The following OR4D10 variants were observed in gnomAD, a reference collection of about 807,000 sequenced individuals.
The protein encoded by OR4D10 is olfactory receptor 4D10.
For synonymous variants in OR4D10, 188 were observed against 153.2 expected, an observed-to-expected ratio of 1.23 and a Z score of -1.68; for missense variants, 395 against 378.0, an observed-to-expected ratio of 1.04 and a Z score of -0.37.
intron 2 of OR4D10, among the ~76,000 whole-genome samples, chr11:59,476,662 A>C (rs980227012): frequency 6.6e-6 from 1 of 151,968 alleles, no homozygotes; most frequent in Admixed American, 6.6e-5. Flanking sequence ...GCTGACTCCA[A>C]CTGTTATTAC....
intron 2 of OR4D10, 63 bp downstream of exon 2, chr11:59,473,856 T>G (rs1590624150): frequency 6.6e-6 from 1 of 152,264 alleles, no homozygotes; most frequent in East Asian, 1.9e-4. Flanking sequence ...ATGTGATCCA[T>G]TTGGTGTGAG....
In OR4D10 at chr11:59,478,391, A is replaced by G. The variant is rs779726511; in HGVS notation, c.*26A>G. ...AAAAAAAAATCCTCAGCTCTTCATC[A>G]CCAAAGATATCTTATATTTATTATT... On this transcript the variant is annotated 3_prime_UTR_variant, in exon 3 of 3. Coordinates refer to ENST00000530162, the MANE Select transcript of OR4D10 (RefSeq NM_001004705.2). 7 of 1,428,262 alleles carry G rather than the reference A, an allele frequency of 4.9e-6. No homozygotes were observed. The East Asian group carries it at 1.4e-4, about 28-fold the overall frequency. 88.5% of individuals were successfully genotyped at this position (1,428,262 alleles called of 1,614,324 possible). A position where few individuals can be genotyped will look rare whatever the true frequency, so the allele number is the denominator to read the frequency against.
At chr11:59,475,344 C>T (rs1858892567) in intron 2 of OR4D10, among the ~76,000 whole-genome samples, 1 of 152,144 alleles carries the variant, frequency 6.6e-6, no homozygotes, top group Non-Finnish European at 1.5e-5. Flanking sequence ...ATAAGCATGT[C>T]ATCTTCACCA....
At position 59,478,181 on chromosome 11, in the gene OR4D10, T is replaced by A. The variant is rs1478527391; in HGVS notation, c.752T>A (p.Phe251Tyr). 6.2e-6 allele frequency: 10 copies of A among 1,614,140 alleles called. No homozygotes were observed. Among genetic ancestry groups the A allele is most frequent in the Non-Finnish European group, 8.5e-6 (10 of 1,180,036 alleles). The part of the protein sequence containing the change: ...TSHITVVTLH[F>Y]VPCIYVYARP... ...CACATCACTGTGGTGACCCTGCATTTCGTGCCCTGCATCTATGTCTATGCC... is the reference window on the plus strand; with the variant it reads ...CACATCACTGTGGTGACCCTGCATTACGTGCCCTGCATCTATGTCTATGCC... The change falls in exon 3 of 3, where the codon TTC (phenylalanine) becomes TAC (tyrosine). Residue 251 changes from phenylalanine to tyrosine, a missense_variant. Transcript: ENST00000530162.
Position 59,477,581 on chromosome 11 carries a change from G to A in OR4D10, c.152G>A (p.Cys51Tyr), listed in dbSNP as rs1435529735. ...CTCCTCATCATGGTCACTGTTACCT[G>A]TGAATCTCGCCTTCACACGCCCATG... is the stretch of plus-strand genomic sequence containing the variant. ...GNLLIMVTVT[C>Y]ESRLHTPMYF... is the part of the protein sequence containing the mutation. Residue 51 changes from cysteine to tyrosine, a missense_variant, in exon 3 of 3, where the codon TGT becomes TAT. Physicochemically the swap from Cys to Tyr is radical, Grantham distance 194. Coordinates refer to ENST00000530162, the MANE Select transcript of OR4D10 (RefSeq NM_001004705.2). 1.2e-6 allele frequency: 2 copies of A among 1,614,044 alleles called. No individual in the cohort carries two copies. Among genetic ancestry groups the A allele is most frequent in the Non-Finnish European group, 1.7e-6 (2 of 1,180,034 alleles).
chr11:59,476,732 C>T (rs2134559287), intron 2 of OR4D10, among the ~76,000 whole-genome samples: 1 of 152,158 alleles, frequency 6.6e-6, no homozygotes, highest in Middle Eastern at 3.4e-3. Context: ...AGTCATTCAG[C>T]TAGTTGATGG....
At chr11:59,473,922 T>C (rs891181267) in intron 2 of OR4D10, 129 bp downstream of exon 2, 1 of 152,238 alleles carries the variant, frequency 6.6e-6, no homozygotes, top group Non-Finnish European at 1.5e-5. Context: ...TGAGGCCACC[T>C]CAGCCTAAGG....
In OR4D10 at chr11:59,478,821, G is replaced by C. The variant is rs1033732390; in HGVS notation, c.*456G>C. On this transcript the variant is annotated 3_prime_UTR_variant, in exon 3 of 3. Transcript: ENST00000530162. ...AGCCTTTGTGATTCAGAAAAGAGAG[G>C]GAAAATTGTTAGCAAATGTGTATAT... The C allele has an allele frequency of 2.0e-5, 3 of 152,480 alleles. No homozygotes were observed. Among genetic ancestry groups the C allele is most frequent in the African/African-American group, 4.8e-5 (2 of 41,386 alleles). 9.4% of individuals were successfully genotyped at this position (152,480 alleles called of 1,614,324 possible).
intron 2 of OR4D10, among the ~76,000 whole-genome samples, chr11:59,474,495 A>G (rs1858878390): frequency 6.6e-6 from 1 of 152,204 alleles, no homozygotes; most frequent in Non-Finnish European, 1.5e-5. Flanking sequence ...ATTCCAAATG[A>G]CCAATGACAG....
intron 2 of OR4D10, among the ~76,000 whole-genome samples, chr11:59,475,341 T>C (rs1810421273): frequency 6.6e-6 from 1 of 152,150 alleles, no homozygotes; most frequent in Non-Finnish European, 1.5e-5. Flanking sequence ...TGTATAAGCA[T>C]GTCATCTTCA....
At chr11:59,475,198 C>T (rs1858890626) in intron 2 of OR4D10, among the ~76,000 whole-genome samples, 1 of 151,936 alleles carries the variant, frequency 6.6e-6, no homozygotes, top group South Asian at 2.1e-4. Context: ...ATTCACCAAC[C>T]AAACGATACC....
intron 2 of OR4D10, 80 bp from the exon 3 acceptor site, chr11:59,477,177 TTAACA>T (rs1858916391): frequency 5.2e-6 from 2 of 384,072 alleles, no homozygotes; most frequent in Non-Finnish European, 9.2e-6. Flanking sequence ...ATGTCACTAC[TTAACA>T]TATTTTCTTT....
intron 2 of OR4D10, among the ~76,000 whole-genome samples, chr11:59,476,543 G>A (rs1858910567): frequency 1.4e-5 from 2 of 142,194 alleles, no homozygotes. Context: ...ACCACGCATG[G>A]CTAATTTTTT....
chr11:59,476,195 G>A (rs1269575181), intron 2 of OR4D10, among the ~76,000 whole-genome samples: 1 of 152,166 alleles, frequency 6.6e-6, no homozygotes, highest in Non-Finnish European at 1.5e-5. Context: ...TTGGGGTATG[G>A]AGATTGCAGG....
At chr11:59,476,280 A>C (rs1453917641) in intron 2 of OR4D10, among the ~76,000 whole-genome samples, 1 of 152,230 alleles carries the variant, frequency 6.6e-6, no homozygotes, top group Non-Finnish European at 1.5e-5. Flanking sequence ...GTTGGTGAAG[A>C]CAGGAAAGGT....
In OR4D10 at chr11:59,478,539, C is replaced by T; in HGVS notation, c.*174C>T. ...AAGCTTCTGGTCAGGGAGAGATTCA[C>T]ACCTTCTAATTGAAAATAAACCAGA... On this transcript the variant is annotated 3_prime_UTR_variant, in exon 3 of 3. Coordinates refer to ENST00000530162, the MANE Select transcript of OR4D10 (RefSeq NM_001004705.2). 2 of 465,544 alleles carry T rather than the reference C, an allele frequency of 4.3e-6. No individual in the cohort carries two copies. Among genetic ancestry groups the T allele is most frequent in the Non-Finnish European group, 7.4e-6 (2 of 270,906 alleles). The allele number at this position is 465,544 out of a possible 1,614,324, so 28.8% of individuals were successfully genotyped here.
Position 59,477,904 on chromosome 11 carries a change from C to A in OR4D10, c.475C>A (p.Gln159Lys). The change falls in exon 3 of 3, where the codon CAG becomes AAG. Residue 159 changes from glutamine (Q) to lysine (K), a missense_variant. Transcript: ENST00000530162. ...GGGGGGCTTTGTCCACTCCATCGTG[C>A]AGATTTCCCTGTTGCTCCCACTCCC... is the stretch of plus-strand genomic sequence containing the variant. ...WLGGFVHSIVQISLLLPLPFC... is the reference protein window; with the variant it reads ...WLGGFVHSIVKISLLLPLPFC... 1 of 1,614,144 alleles carries A rather than the reference C, an allele frequency of 6.2e-7. No individual in the cohort carries two copies. The highest frequency in any genetic ancestry group is 8.5e-7 in the Non-Finnish European group (1 of 1,180,018).
intron 2 of OR4D10, among the ~76,000 whole-genome samples, chr11:59,474,760 T>C (rs141266425): frequency 6.6e-6 from 1 of 151,094 alleles, no homozygotes; most frequent in East Asian, 2.0e-4. Flanking sequence ...GAGTTGAGAG[T>C]AAAGAAGTCC....
intron 2 of OR4D10, among the ~76,000 whole-genome samples, chr11:59,476,431 GA>G (rs1858909516): frequency 6.6e-6 from 1 of 152,142 alleles, no homozygotes; most frequent in Non-Finnish European, 1.5e-5. Flanking sequence ...ACCCAGGCTG[GA>G]GTGCAGGGTG....
Sources: gnomAD v4.1 joint callset for allele counts (sites outside exome capture counted in the v4.1 genomes callset) on GRCh38, gnomAD v4.1.1 for gene constraint, MANE v1.5 for transcripts, NCBI Gene and HGNC (gene_info 2026-07-23, HGNC 2026-07-21) for gene names.